PDE10A: variants seen among roughly 807,000 people sequenced by gnomAD.
PDE10A encodes the protein cAMP and cAMP-inhibited cGMP 3',5'-cyclic phosphodiesterase 10A.
Under a neutral mutation model 97.7 loss-of-function variants are expected in PDE10A, and 39 were observed. The observed-to-expected ratio is 0.40, with a 90% CI of 0.31 to 0.52. PDE10A has a LOEUF of 0.52. PDE10A is among the 20% of genes least tolerant of loss of function. PDE10A has a pLI of 0.56. For synonymous variants in PDE10A, 371 were observed against 376.8 expected, an observed-to-expected ratio of 0.98 and a Z score of 0.18; for missense variants, 731 against 1,047.8, an observed-to-expected ratio of 0.70 and a Z score of 4.17.
chr6:165,895,612 G>T (rs1781921132), intron 1 of PDE10A, among the ~76,000 whole-genome samples: 1 of 152,152 alleles, frequency 6.6e-6, no homozygotes, highest in Admixed American at 6.5e-5. Context: ...ATAAGACAAA[G>T]GCCTTCCTTA....
chr6:165,501,454 A>T (rs221733), intron 2 of PDE10A, among the ~76,000 whole-genome samples: 2 of 152,006 alleles, frequency 1.3e-5, no homozygotes, highest in African/African-American at 4.8e-5. Context: ...CCAGCTACTC[A>T]GGAGGCTACT....
intron 1 of PDE10A, among the ~76,000 whole-genome samples, chr6:165,599,815 C>T (rs1378348838): frequency 6.6e-6 from 1 of 152,158 alleles, no homozygotes; most frequent in African/African-American, 2.4e-5. Context: ...TCCACGGCCT[C>T]CTCCACAGCC....
At chr6:165,425,674 G>T (rs1336670974) in intron 10 of PDE10A, among the ~76,000 whole-genome samples, 3 of 152,006 alleles carry the variant, frequency 2.0e-5, no homozygotes, top group African/African-American at 7.2e-5. Flanking sequence ...TTGTGCTGTA[G>T]GTTCTAGCCA....
At chr6:165,610,525 C>T (rs189077802) in intron 1 of PDE10A, among the ~76,000 whole-genome samples, 1,781 of 140,998 alleles carry the variant, frequency 0.013, 38 homozygotes, top group African/African-American at 0.045. Flanking sequence ...AGCGAGACTC[C>T]GTCTCAAAAA....
intron 1 of PDE10A, among the ~76,000 whole-genome samples, chr6:165,930,048 C>A (rs184966910): frequency 2.0e-4 from 29 of 147,078 alleles, no homozygotes; most frequent in South Asian, 4.4e-4. Context: ...ATGAGGGTGG[C>A]AGCTGGGAAA....
At chr6:165,632,085 A>T (rs1346400953) in intron 1 of PDE10A, among the ~76,000 whole-genome samples, 2 of 151,086 alleles carry the variant, frequency 1.3e-5, no homozygotes, top group African/African-American at 4.9e-5. Flanking sequence ...CTGTAATTTC[A>T]GCTACTTGGG....
chr6:165,352,331 G>T (rs1466521248), intron 18 of PDE10A, among the ~76,000 whole-genome samples: 1 of 152,038 alleles, frequency 6.6e-6, no homozygotes, highest in East Asian at 1.9e-4. Context: ...GGCCAAGTCT[G>T]CCATTTATTT....
rs1026935826 is a variant in PDE10A at position 165,915,917 on chromosome 6, G to A, written c.-615+71612C>T. ...TACTTCCTTTTGGTTATGCTTCTGC[G>A]ACAACCAAAGTCTGAGTCTAAAGTG... is the stretch of plus-strand genomic sequence containing the variant. On this transcript the variant is annotated intron_variant, in intron 1 of 19. Transcript: ENST00000366882. Among the ~76,000 whole-genome samples, 5 of 152,134 alleles carry A rather than the reference G, an allele frequency of 3.3e-5. 1 individual carries two copies. Among genetic ancestry groups the A allele is most frequent in the Admixed American group, 1.3e-4 (2 of 15,282 alleles).
At chr6:165,438,990 T>C (rs1409303755) in intron 5 of PDE10A, among the ~76,000 whole-genome samples, 1 of 151,772 alleles carries the variant, frequency 6.6e-6, no homozygotes, top group Non-Finnish European at 1.5e-5. Context: ...ATACTTTGCA[T>C]TTCTCATTGG....
chr6:165,979,640 G>A (rs976080423), intron 1 of PDE10A, among the ~76,000 whole-genome samples: 7 of 152,192 alleles, frequency 4.6e-5, no homozygotes, highest in Non-Finnish European at 8.8e-5. Context: ...AGGTACACTG[G>A]TAGGAGCAGG....
intron 2 of PDE10A, among the ~76,000 whole-genome samples, chr6:165,536,036 TG>T (rs1422329397): frequency 6.6e-6 from 1 of 152,042 alleles, no homozygotes; most frequent in East Asian, 1.9e-4. Flanking sequence ...GGAACAAAGC[TG>T]GTGACATCAC....
At chr6:165,368,586 A>T (rs1204853977) in intron 18 of PDE10A, among the ~76,000 whole-genome samples, 1 of 152,188 alleles carries the variant, frequency 6.6e-6, no homozygotes, top group Non-Finnish European at 1.5e-5. Context: ...AGAATGAAAT[A>T]TCACTCCCCC....
chr6:165,610,286 G>A (rs1417212311), intron 1 of PDE10A, among the ~76,000 whole-genome samples: 1 of 152,204 alleles, frequency 6.6e-6, no homozygotes, highest in African/African-American at 2.4e-5. Context: ...GCTCACGCCT[G>A]TAATCCCAGC....
chr6:165,569,863 A>G (rs1784966533), intron 1 of PDE10A, among the ~76,000 whole-genome samples: 1 of 152,232 alleles, frequency 6.6e-6, no homozygotes, highest in Non-Finnish European at 1.5e-5. Context: ...AAAAAAATTG[A>G]AAGTGCCAAA....
intron 1 of PDE10A, among the ~76,000 whole-genome samples, chr6:165,682,027 G>T (rs76680700): frequency 6.6e-6 from 1 of 152,168 alleles, no homozygotes; most frequent in South Asian, 2.1e-4. Flanking sequence ...CCTCTAAGTC[G>T]TCCTTGTTCT....
intron 18 of PDE10A, among the ~76,000 whole-genome samples, chr6:165,360,095 C>T (rs540000988): frequency 1.3e-5 from 2 of 152,364 alleles, no homozygotes; most frequent in South Asian, 4.1e-4. Flanking sequence ...TCCATACCCA[C>T]GATATGGCTT....
At chr6:165,731,185 T>C (rs1402986360) in intron 1 of PDE10A, among the ~76,000 whole-genome samples, 1 of 152,160 alleles carries the variant, frequency 6.6e-6, no homozygotes, top group East Asian at 1.9e-4. Flanking sequence ...AAGCACCGTC[T>C]TGTGGCTCCT....
chr6:165,428,353 C>A (rs1049380713), intron 10 of PDE10A, among the ~76,000 whole-genome samples: 1 of 152,040 alleles, frequency 6.6e-6, no homozygotes, highest in East Asian at 1.9e-4. Flanking sequence ...AAAAATCAAT[C>A]GAGAATTCCC....
At chr6:165,348,404 T>C (rs1481927094) in intron 18 of PDE10A, among the ~76,000 whole-genome samples, 1 of 152,234 alleles carries the variant, frequency 6.6e-6, no homozygotes, top group Non-Finnish European at 1.5e-5. Context: ...TAGTTAAGAC[T>C]ATACCTGGTT....
Sources: allele counts gnomAD v4.1 joint callset (sites outside exome capture counted in the v4.1 genomes callset), GRCh38; gene constraint gnomAD v4.1.1; transcripts MANE v1.5; gene names NCBI Gene and HGNC (gene_info 2026-07-23, HGNC 2026-07-21).